Variants in SPECC1 observed in about 807,000 individuals in gnomAD.
SPECC1 encodes the protein cytospin-B.
Under a neutral mutation model 104.1 loss-of-function variants are expected in SPECC1, and 62 were observed. The ratio of observed to expected loss-of-function variants is 0.60; its 90% CI spans 0.49 to 0.74. The LOEUF is 0.74. Among genes scored for constraint, SPECC1 ranks in the 30% least tolerant of loss-of-function variants. The pLI is 0.00. For synonymous variants in SPECC1, 513 were observed against 501.6 expected, an observed-to-expected ratio of 1.02 and a Z score of -0.30; for missense variants, 1,306 against 1,310.5, an observed-to-expected ratio of 1.00 and a Z score of 0.05.
At chr17:20,060,895 G>A (rs1250220254) in intron 1 of SPECC1, among the ~76,000 whole-genome samples, 3 of 152,074 alleles carry the variant, frequency 2.0e-5, no homozygotes, top group Admixed American at 6.5e-5. Context: ...TACATATTAC[G>A]AAAATATATT....
intron 12 of SPECC1, among the ~76,000 whole-genome samples, chr17:20,262,237 T>G (rs902856972): frequency 1.1e-4 from 17 of 152,230 alleles, no homozygotes; most frequent in African/African-American, 3.9e-4. Context: ...ATTTCTAGTT[T>G]GGAGCTATTA....
At chr17:20,040,219 A>G (rs765277243) in intron 1 of SPECC1, among the ~76,000 whole-genome samples, 1 of 152,074 alleles carries the variant, frequency 6.6e-6, no homozygotes, top group Non-Finnish European at 1.5e-5. Flanking sequence ...GTGTGTATGT[A>G]ACTTTTCACA....
intron 1 of SPECC1, among the ~76,000 whole-genome samples, chr17:20,066,600 G>A (rs1317941270): frequency 6.6e-6 from 1 of 152,272 alleles, no homozygotes; most frequent in African/African-American, 2.4e-5. Flanking sequence ...GAGAGTTCCT[G>A]CAAAGGATGT....
intron 1 of SPECC1, among the ~76,000 whole-genome samples, chr17:20,036,639 T>C (rs2045096969): frequency 6.6e-6 from 1 of 152,224 alleles, no homozygotes; most frequent in Non-Finnish European, 1.5e-5. Flanking sequence ...GCAATAGGTA[T>C]CTTGAACTTA....
At chr17:20,060,759 A>G (rs1037173124) in intron 1 of SPECC1, among the ~76,000 whole-genome samples, 3 of 152,184 alleles carry the variant, frequency 2.0e-5, no homozygotes, top group Admixed American at 6.5e-5. Flanking sequence ...TGTGACTTTT[A>G]TACTTCATCA....
intron 3 of SPECC1, among the ~76,000 whole-genome samples, chr17:20,164,900 A>G (rs1329324256): frequency 6.6e-6 from 1 of 152,226 alleles, no homozygotes; most frequent in South Asian, 2.1e-4. Flanking sequence ...CTTCTTTAGC[A>G]CTTAAAATAT....
Position 20,255,985 on chromosome 17 carries a change from C to T in SPECC1, c.2681-1466C>T, listed in dbSNP as rs145414044. On this transcript the variant is annotated intron_variant, in intron 10 of 14. Coordinates refer to ENST00000395527, the MANE Select transcript of SPECC1 (RefSeq NM_001243439.2). ...CTCTGCCTCCCAGGTTCACACCATT[C>T]TCCTGCCTCAGCCTCCCGAGTAGCT... 3.0e-3 allele frequency among the ~76,000 whole-genome samples: 453 copies of T among 152,224 alleles called. 18 individuals are homozygous for T. In the East Asian group the frequency reaches 0.084, roughly 28 times the overall value.
chr17:20,268,319 G>A (rs2040283661), intron 12 of SPECC1, among the ~76,000 whole-genome samples: 1 of 152,176 alleles, frequency 6.6e-6, no homozygotes, highest in Admixed American at 6.5e-5. Context: ...CAGTCTTTGT[G>A]TGTCCACACT....
chr17:20,202,654 T>C (rs1197685906), intron 3 of SPECC1, among the ~76,000 whole-genome samples: 2 of 152,228 alleles, frequency 1.3e-5, no homozygotes, highest in African/African-American at 4.8e-5. Flanking sequence ...GAATACAGTA[T>C]ATAATACATA....
intron 3 of SPECC1, among the ~76,000 whole-genome samples, chr17:20,119,413 G>A (rs2048919977): frequency 6.6e-6 from 1 of 151,822 alleles, no homozygotes; most frequent in Admixed American, 6.6e-5. Flanking sequence ...TGTACTTTTA[G>A]TTGAGATCGG....
intron 2 of SPECC1, among the ~76,000 whole-genome samples, chr17:20,104,695 A>C (rs1435244003): frequency 7.5e-6 from 1 of 133,502 alleles, no homozygotes; most frequent in Non-Finnish European, 1.6e-5. Context: ...GTGAGCCGAG[A>C]TTGTGCCACT....
At chr17:20,194,958 A>G (rs1213172809) in intron 3 of SPECC1, among the ~76,000 whole-genome samples, 2 of 152,254 alleles carry the variant, frequency 1.3e-5, no homozygotes, top group Non-Finnish European at 2.9e-5. Context: ...GTTAAGAGCT[A>G]TAATATAAAT....
At chr17:20,254,460 A>G (rs1018217769) in intron 10 of SPECC1, among the ~76,000 whole-genome samples, 8 of 152,164 alleles carry the variant, frequency 5.3e-5, no homozygotes, top group Non-Finnish European at 1.0e-4. Flanking sequence ...GAGTTAGCAC[A>G]TTAAAGCGCC....
At chr17:20,044,450 A>G (rs148059032) in intron 1 of SPECC1, among the ~76,000 whole-genome samples, 223 of 152,216 alleles carry the variant, frequency 1.5e-3, no homozygotes, top group Middle Eastern at 6.8e-3. Flanking sequence ...CTGCTACTAT[A>G]TAGTTTTATG....
At chr17:20,036,013 A>G (rs1321588093) in intron 1 of SPECC1, among the ~76,000 whole-genome samples, 1 of 152,058 alleles carries the variant, frequency 6.6e-6, no homozygotes, top group East Asian at 1.9e-4. Context: ...GGGTTTCACC[A>G]TGTTGGTCAG....
chr17:20,116,331 A>G (rs2048754282), intron 3 of SPECC1, among the ~76,000 whole-genome samples: 1 of 151,906 alleles, frequency 6.6e-6, no homozygotes, highest in Non-Finnish European at 1.5e-5. Context: ...CTCGTGATCC[A>G]CCCACCTTGG....
At chr17:20,114,195 T>C (rs1003814311) in intron 3 of SPECC1, among the ~76,000 whole-genome samples, 3 of 152,276 alleles carry the variant, frequency 2.0e-5, no homozygotes, top group African/African-American at 7.2e-5. Context: ...CTTTTTGTTT[T>C]TGTTTTTGTT....
intron 1 of SPECC1, among the ~76,000 whole-genome samples, chr17:20,040,713 A>G (rs1285322831): frequency 2.0e-5 from 3 of 152,268 alleles, no homozygotes; most frequent in East Asian, 1.9e-4. Flanking sequence ...TCCCTTATAC[A>G]TGAAGTGTTG....
intron 1 of SPECC1, among the ~76,000 whole-genome samples, chr17:20,019,257 T>C (rs912098500): frequency 2.9e-5 from 4 of 136,082 alleles, no homozygotes; most frequent in African/African-American, 1.1e-4. Flanking sequence ...TATTTATTTA[T>C]TTATTTATTT....
Sources: allele counts gnomAD v4.1 joint callset (sites outside exome capture counted in the v4.1 genomes callset), GRCh38; gene constraint gnomAD v4.1.1; transcripts MANE v1.5; gene names NCBI Gene and HGNC (gene_info 2026-07-23, HGNC 2026-07-21).